The following PCDH15 variants were observed in gnomAD, a reference collection of about 807,000 sequenced individuals.
The protein encoded by PCDH15 is protocadherin related 15.
A neutral mutation model predicts 178.5 loss-of-function variants in PCDH15; 129 were observed. The ratio of observed to expected loss-of-function variants is 0.72; its 90% CI spans 0.63 to 0.84. PCDH15 has a LOEUF of 0.84. Ranked by LOEUF, PCDH15 falls within the 40% of genes least tolerant of loss-of-function variation. PCDH15 has a pLI of 0.00. For synonymous variants in PCDH15, 800 were observed against 732.0 expected (o/e 1.09, Z -1.50); for missense variants, 2,230 against 2,099.9 (o/e 1.06, Z -1.21).
At chr10:54,518,962 A>T (rs1298817086) in intron 3 of PCDH15, among the ~76,000 whole-genome samples, 1 of 152,244 alleles carries the variant, frequency 6.6e-6, no homozygotes, top group Non-Finnish European at 1.5e-5. Flanking sequence ...GACAAAAATC[A>T]CATGATTATC....
chr10:55,126,183 C>A (rs1204031801), intron 2 of PCDH15, among the ~76,000 whole-genome samples: 1 of 151,992 alleles, frequency 6.6e-6, no homozygotes, highest in Non-Finnish European at 1.5e-5. Flanking sequence ...TATTCCTGCT[C>A]TGCTTCTTCT....
At chr10:54,164,758 G>A (rs1590890127) in intron 13 of PCDH15, among the ~76,000 whole-genome samples, 1 of 152,168 alleles carries the variant, frequency 6.6e-6, no homozygotes, top group African/African-American at 2.4e-5. Flanking sequence ...CCTCAGAAAT[G>A]TGTAGCAAGT....
intron 25 of PCDH15, among the ~76,000 whole-genome samples, chr10:53,927,002 C>G (rs954379660): frequency 6.6e-6 from 1 of 151,866 alleles, no homozygotes; most frequent in African/African-American, 2.4e-5. Flanking sequence ...CTCTGTAGCA[C>G]AAAAATAATG....
Position 53,847,301 on chromosome 10 carries a change from A to T in PCDH15, c.3807-6805T>A, listed in dbSNP as rs16937795. 4.2e-3 allele frequency among the ~76,000 whole-genome samples: 644 copies of T among 152,188 alleles called. 22 individuals carry two copies. The East Asian group carries it at 0.073, about 17-fold the overall frequency. ...TTGTTGAGGTAAATGGCTTATATTTATCTAGCATCATAGAGAGTTCCACCC... is the reference window on the plus strand; with the variant it reads ...TTGTTGAGGTAAATGGCTTATATTTTTCTAGCATCATAGAGAGTTCCACCC... On this transcript the variant is annotated intron_variant, in intron 28 of 37. Transcript: ENST00000644397.
intron 21 of PCDH15, among the ~76,000 whole-genome samples, chr10:53,972,122 G>C (rs10763033): frequency 0.7 from 106,402 of 151,862 alleles, 37,707 homozygotes; most frequent in East Asian, 0.87. Flanking sequence ...AGAGCCCTCA[G>C]AAATAATACC....
chr10:55,126,925 A>T (rs1837915389), intron 2 of PCDH15, among the ~76,000 whole-genome samples: 1 of 151,674 alleles, frequency 6.6e-6, no homozygotes, highest in Non-Finnish European at 1.5e-5. Context: ...AAAATGTTTT[A>T]TTTCTAGTTG....
At chr10:54,413,536 AAAAAGT>A (rs1270175408) in intron 3 of PCDH15, among the ~76,000 whole-genome samples, 2 of 152,202 alleles carry the variant, frequency 1.3e-5, no homozygotes, top group African/African-American at 4.8e-5. Context: ...TAAATATGAT[AAAAAGT>A]AAGAGATCTA....
intron 2 of PCDH15, among the ~76,000 whole-genome samples, chr10:55,350,539 T>C (rs1331510697): frequency 5.3e-4 from 81 of 152,050 alleles, no homozygotes; most frequent in Admixed American, 5.3e-3. Context: ...AATGAAGTGA[T>C]GAAGAAACAG....
At chr10:55,036,221 G>A (rs1215180905) in intron 2 of PCDH15, among the ~76,000 whole-genome samples, 2 of 152,102 alleles carry the variant, frequency 1.3e-5, no homozygotes, top group Non-Finnish European at 2.9e-5. Context: ...TTTGCTAGAT[G>A]CTGACCTCTT....
chr10:54,051,094 A>G (rs543809329), intron 18 of PCDH15, among the ~76,000 whole-genome samples: 1 of 152,312 alleles, frequency 6.6e-6, no homozygotes, highest in South Asian at 2.1e-4. Flanking sequence ...CTGTGAGTCA[A>G]TTAAACCTCT....
intron 2 of PCDH15, among the ~76,000 whole-genome samples, chr10:55,561,987 A>T (rs2132099999): frequency 6.6e-6 from 1 of 152,112 alleles, no homozygotes; most frequent in South Asian, 2.1e-4. Flanking sequence ...AATAGTCATT[A>T]ACTGACAAAG....
At chr10:55,299,867 A>C (rs1223411733) in intron 1 of PCDH15, among the ~76,000 whole-genome samples, 1 of 152,224 alleles carries the variant, frequency 6.6e-6, no homozygotes, top group Middle Eastern at 3.2e-3. Flanking sequence ...TACACTGGTC[A>C]TACTATATAT....
intron 8 of PCDH15, among the ~76,000 whole-genome samples, chr10:54,265,665 A>G (rs1348838821): frequency 1.3e-5 from 2 of 152,080 alleles, no homozygotes; most frequent in African/African-American, 4.8e-5. Context: ...AAACAGAAAT[A>G]AGGACAAAAA....
chr10:54,673,418 A>G (rs2094714914), intron 1 of PCDH15, among the ~76,000 whole-genome samples: 1 of 152,084 alleles, frequency 6.6e-6, no homozygotes, highest in Admixed American at 6.6e-5. Context: ...TGGTAATAGA[A>G]GGAAACATAT....
chr10:55,479,459 A>G (rs1273559687), intron 2 of PCDH15, among the ~76,000 whole-genome samples: 3 of 151,668 alleles, frequency 2.0e-5, no homozygotes, highest in African/African-American at 7.2e-5. Flanking sequence ...GATAACATCT[A>G]TAACATCCCT....
chr10:53,999,251 T>C (rs1266876465), intron 20 of PCDH15, among the ~76,000 whole-genome samples: 1 of 152,138 alleles, frequency 6.6e-6, no homozygotes, highest in Non-Finnish European at 1.5e-5. Context: ...TTGAGGTTTA[T>C]GGAGCCGATA....
chr10:55,254,786 C>T (rs1289073010), intron 1 of PCDH15, among the ~76,000 whole-genome samples: 3 of 151,958 alleles, frequency 2.0e-5, no homozygotes, highest in Admixed American at 6.6e-5. Context: ...AATAAGATTG[C>T]GAAAGAAGAA....
intron 2 of PCDH15, among the ~76,000 whole-genome samples, chr10:55,463,949 GAAAGAAAGAAAGAAAGAAAGAA>G (rs1839751066): frequency 9.2e-5 from 2 of 21,802 alleles, no homozygotes. Flanking sequence ...AAGAAAGAAA[GAAAGAAAGAAAGAAAGAAAGAA>G]AGAGAAAGAA....
At chr10:55,104,929 T>C (rs1368218870) in intron 2 of PCDH15, among the ~76,000 whole-genome samples, 1 of 152,196 alleles carries the variant, frequency 6.6e-6, no homozygotes, top group Non-Finnish European at 1.5e-5. Context: ...CATGCAGAGA[T>C]GATTAGCCTC....
Sources: gnomAD v4.1 joint callset for allele counts (sites outside exome capture counted in the v4.1 genomes callset) on GRCh38, gnomAD v4.1.1 for gene constraint, MANE v1.5 for transcripts, NCBI Gene and HGNC (gene_info 2026-07-23, HGNC 2026-07-21) for gene names.